Variants in TNKS observed in about 807,000 individuals in gnomAD.
TNKS encodes the protein poly [ADP-ribose] polymerase tankyrase-1.
TNKS carries 72 observed loss-of-function variants against 135.8 expected under a neutral mutation model. The observed-to-expected ratio is 0.53, with a 90% CI of 0.44 to 0.64. The LOEUF (loss-of-function observed/expected upper bound fraction) is 0.64. Ranked by LOEUF, TNKS falls within the 30% of genes least tolerant of loss-of-function variation. The probability of loss-of-function intolerance (pLI) is 0.00; values close to 1 mark genes in which losing one functional copy is unlikely to be tolerated. For synonymous variants in TNKS, 849 were observed against 649.3 expected (o/e 1.31, Z -4.68); for missense variants, 1,769 against 1,674.0 (o/e 1.06, Z -0.99).
intron 1 of TNKS, chr8:9,556,982 A>C (rs1399590395): frequency 2.4e-6 from 1 of 417,354 alleles, no homozygotes; most frequent in East Asian, 4.0e-5. Context: ...TGTTTTTACA[A>C]GGGTATGTCC....
intron 26 of TNKS, 57 bp from the exon 27 acceptor site, chr8:9,776,593 G>A: frequency 6.5e-7 from 1 of 1,530,512 alleles, no homozygotes; most frequent in East Asian, 2.2e-5. Flanking sequence ...CATTCGGCAA[G>A]GCTTTAATAT....
In TNKS at chr8:9,710,187, T is replaced by C. The variant is rs767307560; in HGVS notation, c.1716T>C (p.Asp572=). 4 of 1,614,120 alleles carry C rather than the reference T, an allele frequency of 2.5e-6. No homozygotes were observed. In the Admixed American group the frequency reaches 6.7e-5, roughly 27 times the overall value. The part of the protein sequence containing the change: ...LHVAAERAHN[D]VMEVLHKHGA... ...TTGCAGCCGAAAGAGCCCATAATGATGTCATGGAAGTTCTGCATAAGCATG... is the reference window on the plus strand; with the variant it reads ...TTGCAGCCGAAAGAGCCCATAATGACGTCATGGAAGTTCTGCATAAGCATG... The change falls in exon 11 of 27, where the codon GAT becomes GAC. Residue 572 remains aspartate (D), a synonymous_variant. Transcript: ENST00000310430.
At chr8:9,731,661 T>C (rs1202585973) in intron 14 of TNKS, among the ~76,000 whole-genome samples, 1 of 152,160 alleles carries the variant, frequency 6.6e-6, no homozygotes, top group Admixed American at 6.5e-5. Context: ...TGCCTTCCTA[T>C]ATGGTCTGCT....
intron 3 of TNKS, among the ~76,000 whole-genome samples, chr8:9,632,709 T>C (rs1800340134): frequency 6.6e-6 from 1 of 152,170 alleles, no homozygotes; most frequent in Admixed American, 6.5e-5. Context: ...TACTTTTGGT[T>C]TAATGATGTT....
At chr8:9,624,989 C>A (rs1379703248) in intron 3 of TNKS, among the ~76,000 whole-genome samples, 2 of 151,932 alleles carry the variant, frequency 1.3e-5, no homozygotes, top group Non-Finnish European at 2.9e-5. Context: ...AATGCAGAAC[C>A]CACAGATACA....
intron 2 of TNKS, among the ~76,000 whole-genome samples, chr8:9,581,360 A>G (rs1282263202): frequency 1.3e-5 from 2 of 152,172 alleles, no homozygotes; most frequent in Non-Finnish European, 2.9e-5. Context: ...TTGAGCATCC[A>G]CTAACATGAC....
chr8:9,646,915 T>C (rs188082366), intron 3 of TNKS, among the ~76,000 whole-genome samples: 1 of 152,272 alleles, frequency 6.6e-6, no homozygotes, highest in Non-Finnish European at 1.5e-5. Context: ...TAAAACTCTT[T>C]TATAACTGTC....
intron 1 of TNKS, among the ~76,000 whole-genome samples, chr8:9,569,540 A>T (rs1368853322): frequency 6.6e-6 from 1 of 152,132 alleles, no homozygotes; most frequent in Non-Finnish European, 1.5e-5. Context: ...TTGTTTGTAT[A>T]ATTCTATTGT....
At chr8:9,643,833 C>A (rs1333996603) in intron 3 of TNKS, among the ~76,000 whole-genome samples, 1 of 152,164 alleles carries the variant, frequency 6.6e-6, no homozygotes, top group Non-Finnish European at 1.5e-5. Flanking sequence ...ATGTTGATAG[C>A]AGCAGCATTT....
At chr8:9,615,146 A>G (rs1175266816) in intron 2 of TNKS, 1 of 156,776 alleles carries the variant, frequency 6.4e-6, no homozygotes, top group Non-Finnish European at 1.4e-5. Context: ...CTTGCACAGT[A>G]TTATAACTAT....
chr8:9,605,988 C>G (rs929107586), intron 2 of TNKS, among the ~76,000 whole-genome samples: 2 of 151,658 alleles, frequency 1.3e-5, no homozygotes, highest in Non-Finnish European at 2.9e-5. Context: ...GGCTTAGTTT[C>G]TTTTTCTCCT....
chr8:9,634,101 A>G (rs199701916), intron 3 of TNKS, among the ~76,000 whole-genome samples: 2 of 134,346 alleles, frequency 1.5e-5, no homozygotes, highest in Non-Finnish European at 3.3e-5. Context: ...ATATATATAT[A>G]TGTATATATA....
chr8:9,684,405 A>T (rs1013795226), intron 5 of TNKS, among the ~76,000 whole-genome samples: 11 of 152,162 alleles, frequency 7.2e-5, no homozygotes, highest in African/African-American at 2.6e-4. Flanking sequence ...AAATATTTGA[A>T]TAAAATTAGT....
At chr8:9,715,108 C>T (rs1804540772) in intron 11 of TNKS, among the ~76,000 whole-genome samples, 1 of 152,014 alleles carries the variant, frequency 6.6e-6, no homozygotes, top group Non-Finnish European at 1.5e-5. Context: ...GAAGAAGGAG[C>T]AGGTGACCAG....
chr8:9,688,515 C>T (rs1328028807), intron 5 of TNKS, among the ~76,000 whole-genome samples: 1 of 152,208 alleles, frequency 6.6e-6, no homozygotes, highest in African/African-American at 2.4e-5. Flanking sequence ...GATTGCCATA[C>T]CATTGACAGG....
At chr8:9,751,886 T>G (rs1784470476) in intron 19 of TNKS, 40 bp downstream of exon 19, 1 of 1,582,194 alleles carries the variant, frequency 6.3e-7, no homozygotes, top group African/African-American at 1.3e-5. Context: ...TTATACCTTT[T>G]GTTAGTGGAG....
intron 3 of TNKS, among the ~76,000 whole-genome samples, chr8:9,633,122 A>C (rs1447264747): frequency 1.3e-5 from 2 of 152,220 alleles, no homozygotes; most frequent in Non-Finnish European, 2.9e-5. Flanking sequence ...GAAGAAATGC[A>C]TGGTGAAAGT....
At chr8:9,732,578 C>CT (rs1491081735) in intron 14 of TNKS, among the ~76,000 whole-genome samples, 1 of 138,226 alleles carries the variant, frequency 7.2e-6, no homozygotes, top group East Asian at 2.2e-4. Context: ...CATCCCAAAA[C>CT]TAAAAAAAAA....
intron 3 of TNKS, among the ~76,000 whole-genome samples, chr8:9,672,721 A>AAAAC (rs1554466628): frequency 4.1e-5 from 6 of 147,730 alleles, no homozygotes; most frequent in African/African-American, 1.3e-4. Flanking sequence ...CAAAAAAAAA[A>AAAAC]AAACAAACTA....
Sources: allele counts gnomAD v4.1 joint callset (sites outside exome capture counted in the v4.1 genomes callset), GRCh38; gene constraint gnomAD v4.1.1; transcripts MANE v1.5; gene names NCBI Gene and HGNC (gene_info 2026-07-23, HGNC 2026-07-21).